Variants in COPE observed in about 807,000 individuals in gnomAD.
The protein encoded by COPE is coatomer subunit epsilon.
A neutral mutation model predicts 42.1 loss-of-function variants in COPE; 19 were observed. The observed-to-expected ratio is 0.45, with a 90% CI of 0.31 to 0.66. The LOEUF (loss-of-function observed/expected upper bound fraction) is 0.66, where lower values mean the gene tolerates loss of function less well. Ranked by LOEUF, COPE falls within the 30% of genes least tolerant of loss-of-function variation. COPE has a pLI of 0.05. For synonymous variants in COPE, 195 were observed against 181.3 expected (o/e 1.08, Z -0.60); for missense variants, 402 against 416.1 (o/e 0.97, Z 0.30).
At chr19:18,914,356 A>G (rs2056836105) in intron 1 of COPE, among the ~76,000 whole-genome samples, 1 of 151,994 alleles carries the variant, frequency 6.6e-6, no homozygotes, top group Non-Finnish European at 1.5e-5. Context: ...CCTGGCCAAC[A>G]TGGTGAAACC....
In COPE at chr19:18,899,709, C is replaced by G. The variant is rs1459321457; in HGVS notation, c.897G>C (p.Arg299Ser). 1 of 1,613,776 alleles carries G rather than the reference C, an allele frequency of 6.2e-7. No individual in the cohort carries two copies. The highest frequency in any genetic ancestry group is 1.7e-5 in the Admixed American group (1 of 60,012). ...EYQAKENDFD[R>S]LVLQYAPSA is the part of the protein sequence containing the mutation. ...CGCTGGGAGCGTACTGTAGCACCAGCCTGTCAAAGTCGTTCTCCTTTAGCA... is the reference window on the plus strand; with the variant it reads ...CGCTGGGAGCGTACTGTAGCACCAGGCTGTCAAAGTCGTTCTCCTTTAGCA... The change falls in exon 10 of 10, where the codon AGG becomes AGC. Residue 299 changes from arginine (R) to serine (S), a missense_variant. Arg to Ser is a moderately radical substitution (Grantham distance 110). Coordinates refer to ENST00000262812, the MANE Select transcript of COPE (RefSeq NM_007263.4).
At chr19:18,914,755 CTTT>C (rs749395912) in intron 1 of COPE, among the ~76,000 whole-genome samples, 17 of 121,844 alleles carry the variant, frequency 1.4e-4, no homozygotes, top group Non-Finnish European at 1.0e-4. Flanking sequence ...AAAGCATAGT[CTTT>C]TTTTTTTTTT....
intron 1 of COPE, among the ~76,000 whole-genome samples, chr19:18,918,199 A>AAAAAG (rs994683006): frequency 7.4e-6 from 1 of 135,998 alleles, no homozygotes; most frequent in East Asian, 2.0e-4. Context: ...AAAAAAAAAA[A>AAAAAG]AAAAGAAAAG....
At chr19:18,903,947 G>A (rs991453235) in intron 6 of COPE, among the ~76,000 whole-genome samples, 8 of 152,232 alleles carry the variant, frequency 5.3e-5, no homozygotes, top group South Asian at 4.1e-4. Context: ...CTTCAGCCCC[G>A]TGGCGGGCAG....
At chr19:18,910,525 C>T in intron 3 of COPE, 1 of 172,408 alleles carries the variant, frequency 5.8e-6, no homozygotes. Context: ...GCAGAGGTTG[C>T]AGTGAGCCGA....
In COPE at chr19:18,907,119, GAC is replaced by G. The variant is rs760167601; in HGVS notation, c.291-9_291-8del. The G allele has an allele frequency of 1.7e-5, 28 of 1,610,554 alleles. No homozygotes were observed. Among genetic ancestry groups the G allele is most frequent in the Non-Finnish European group, 2.2e-5 (26 of 1,179,216 alleles). On this transcript the variant is annotated splice_polypyrimidine_tract_variant and splice_region_variant and intron_variant, in intron 3 of 9. Coordinates refer to ENST00000262812, the MANE Select transcript of COPE (RefSeq NM_007263.4). ...CTCGGCCACGATGCTGTCCCTGCAA[GAC>G]AGAGATGCTCACGACCCACAGCTGG...
intron 6 of COPE, among the ~76,000 whole-genome samples, chr19:18,904,381 A>T (rs1326228135): frequency 6.6e-6 from 1 of 152,192 alleles, no homozygotes; most frequent in Non-Finnish European, 1.5e-5. Context: ...AGCTGAGGAC[A>T]TCTCCACCGC....
chr19:18,905,150 C>T (rs1401808537), intron 5 of COPE, among the ~76,000 whole-genome samples: 1 of 152,204 alleles, frequency 6.6e-6, no homozygotes, highest in Non-Finnish European at 1.5e-5. Flanking sequence ...AACGGAACTA[C>T]AGTGTGAACA....
intron 1 of COPE, among the ~76,000 whole-genome samples, chr19:18,915,276 G>A (rs1209033056): frequency 6.6e-6 from 1 of 152,224 alleles, no homozygotes; most frequent in African/African-American, 2.4e-5. Context: ...ACACAGTGGG[G>A]CGCCATCGGG....
At chr19:18,911,683 C>T (rs1054757965) in intron 2 of COPE, among the ~76,000 whole-genome samples, 2 of 151,876 alleles carry the variant, frequency 1.3e-5, no homozygotes, top group Non-Finnish European at 2.9e-5. Context: ...TCCCGAGTAG[C>T]TGAGACTACA....
At chr19:18,910,076 T>C (rs2056795813) in intron 3 of COPE, among the ~76,000 whole-genome samples, 1 of 152,138 alleles carries the variant, frequency 6.6e-6, no homozygotes, top group South Asian at 2.1e-4. Flanking sequence ...GGACACTGCC[T>C]CCGTGGGCCA....
intron 4 of COPE, chr19:18,906,138 C>A (rs1397099954): frequency 2.5e-6 from 1 of 398,010 alleles, no homozygotes; most frequent in Non-Finnish European, 4.4e-6. Flanking sequence ...GGAGCCAGCA[C>A]CTGGACCAGC....
At position 18,911,049 on chromosome 19, in the gene COPE, T is replaced by C. The variant is rs757943850; in HGVS notation, c.212A>G (p.Asp71Gly). 32 of 1,613,768 alleles carry C rather than the reference T, an allele frequency of 2.0e-5. No homozygotes were observed. The African/African-American group carries it at 3.5e-4, about 18-fold the overall frequency. ...LAQRKFGVVL[D>G]EIKPSSAPEL... ...AGGGGCCGAGGAGGGCTTGATCTCATCCAGGACCACACCGAACTTCCTCTG... is the reference window on the plus strand; with the variant it reads ...AGGGGCCGAGGAGGGCTTGATCTCACCCAGGACCACACCGAACTTCCTCTG... The change falls in exon 3 of 10, where the codon GAT becomes GGT. Residue 71 changes from aspartate to glycine, a missense_variant. Asp to Gly is a moderately conservative substitution (Grantham distance 94). Transcript: ENST00000262812.
At chr19:18,908,461 G>A (rs1441886232) in intron 3 of COPE, among the ~76,000 whole-genome samples, 4 of 151,790 alleles carry the variant, frequency 2.6e-5, no homozygotes, top group Non-Finnish European at 2.9e-5. Context: ...ATTACTGGGC[G>A]GATCGCTTGA....
At chr19:18,910,621 G>C in intron 3 of COPE, 1 of 249,932 alleles carries the variant, frequency 4.0e-6, no homozygotes. Context: ...GGAGGGCCCT[G>C]CCCCCGCTGC....
intron 2 of COPE, 123 bp downstream of exon 2, chr19:18,912,861 C>T (rs2145078033): frequency 1.1e-6 from 1 of 895,268 alleles, no homozygotes; most frequent in East Asian, 2.6e-5. Flanking sequence ...TCACTGAACA[C>T]TGCAGGCCTG....
intron 4 of COPE, 156 bp from the exon 5 acceptor site, chr19:18,905,785 A>C: frequency 1.5e-6 from 1 of 671,778 alleles, no homozygotes; most frequent in Admixed American, 3.4e-5. Context: ...CCTCACTCCC[A>C]CATTTCACCG....
At chr19:18,905,937 T>C (rs1386705585) in intron 4 of COPE, 3 of 515,928 alleles carry the variant, frequency 5.8e-6, no homozygotes, top group Admixed American at 4.1e-5. Flanking sequence ...CTCGACACCC[T>C]GGAGGCATCA....
At chr19:18,919,071 CAGTGACT>C in intron 1 of COPE, 145 bp downstream of exon 1, 1 of 714,218 alleles carries the variant, frequency 1.4e-6, no homozygotes, top group East Asian at 2.6e-5. Context: ...TGTCACGGGA[CAGTGACT>C]ACTCCTCACT....
Sources: allele counts gnomAD v4.1 joint callset (sites outside exome capture counted in the v4.1 genomes callset), GRCh38; gene constraint gnomAD v4.1.1; transcripts MANE v1.5; gene names NCBI Gene and HGNC (gene_info 2026-07-23, HGNC 2026-07-21).